The following PTPRK variants were observed in gnomAD, a reference collection of about 807,000 sequenced individuals.
PTPRK encodes protein tyrosine phosphatase receptor type K.
A neutral mutation model predicts 178.0 loss-of-function variants in PTPRK; 75 were observed. That is an observed-to-expected ratio of 0.42 (90% CI 0.35 to 0.51). The LOEUF (loss-of-function observed/expected upper bound fraction) is 0.51, where lower values mean the gene tolerates loss of function less well. Among genes scored for constraint, PTPRK ranks in the 20% least tolerant of loss-of-function variants. The pLI, the probability that PTPRK is intolerant of heterozygous loss-of-function variation, is 0.02. For synonymous variants in PTPRK, 637 were observed against 620.6 expected (o/e 1.03, Z -0.39); for missense variants, 1,441 against 1,797.8 (o/e 0.80, Z 3.59).
intron 11 of PTPRK, among the ~76,000 whole-genome samples, chr6:128,070,978 C>T (rs1279073873): frequency 2.6e-5 from 4 of 151,478 alleles, no homozygotes; most frequent in African/African-American, 4.8e-5. Context: ...CATTTTTCAC[C>T]TGAAAAATCC....
chr6:128,358,699 A>C (rs1834293413), intron 2 of PTPRK, among the ~76,000 whole-genome samples: 1 of 152,206 alleles, frequency 6.6e-6, no homozygotes, highest in Non-Finnish European at 1.5e-5. Flanking sequence ...GTTTCAAAGC[A>C]AATAATTAAC....
intron 2 of PTPRK, among the ~76,000 whole-genome samples, chr6:128,391,413 A>C (rs1377877458): frequency 1.3e-5 from 2 of 152,146 alleles, no homozygotes; most frequent in African/African-American, 4.8e-5. Flanking sequence ...AAGTAAACCA[A>C]CATTTTGGCC....
At chr6:128,041,253 A>C (rs1471892955) in intron 13 of PTPRK, among the ~76,000 whole-genome samples, 1 of 152,092 alleles carries the variant, frequency 6.6e-6, no homozygotes, top group African/African-American at 2.4e-5. Context: ...CCTATGAATC[A>C]CACATAGTGG....
intron 13 of PTPRK, among the ~76,000 whole-genome samples, chr6:128,043,020 A>G (rs1777454297): frequency 6.6e-5 from 10 of 152,066 alleles, no homozygotes; most frequent in Admixed American, 3.3e-4. Context: ...ATTAAAGGCA[A>G]TAAGTAATTT....
At chr6:128,433,889 T>C (rs1359719599) in intron 1 of PTPRK, among the ~76,000 whole-genome samples, 1 of 150,756 alleles carries the variant, frequency 6.6e-6, no homozygotes, top group Admixed American at 6.6e-5. Context: ...AAGAAGATAC[T>C]TGAGCACAGC....
In PTPRK at chr6:128,007,063, A is replaced by G. The variant is rs561422973; in HGVS notation, c.2334-1819T>C. On this transcript the variant is annotated intron_variant, in intron 14 of 29. Transcript: ENST00000368226. Reference sequence around the variant, plus strand: ...CATTATTTTTATTATAAATTTATATATTAAAAGGGAAACATTTTATATTAA... The same window carrying G: ...CATTATTTTTATTATAAATTTATATGTTAAAAGGGAAACATTTTATATTAA... Among the ~76,000 whole-genome samples, 48 of 150,930 alleles carry G rather than the reference A, an allele frequency of 3.2e-4. 2 individuals are homozygous for G. Among genetic ancestry groups the G allele is most frequent in the Middle Eastern group, 3.4e-3 (1 of 292 alleles).
intron 3 of PTPRK, among the ~76,000 whole-genome samples, chr6:128,283,529 T>C (rs181584383): frequency 1.2e-4 from 18 of 152,308 alleles, no homozygotes; most frequent in African/African-American, 4.1e-4. Context: ...TCATTAACAC[T>C]ATAAATTCCT....
intron 25 of PTPRK, among the ~76,000 whole-genome samples, chr6:127,979,107 C>A (rs891420661): frequency 1.3e-5 from 2 of 151,504 alleles, no homozygotes; most frequent in Non-Finnish European, 2.9e-5. Context: ...CCCATCTTTA[C>A]AAAAAATAAT....
At chr6:128,199,528 G>T (rs1283145259) in intron 6 of PTPRK, among the ~76,000 whole-genome samples, 3 of 121,972 alleles carry the variant, frequency 2.5e-5, no homozygotes, top group African/African-American at 6.2e-5. Flanking sequence ...CAAACTATAT[G>T]TTTAATATAC....
intron 1 of PTPRK, among the ~76,000 whole-genome samples, chr6:128,481,307 G>T (rs1006903280): frequency 6.6e-6 from 1 of 152,072 alleles, no homozygotes; most frequent in Non-Finnish European, 1.5e-5. Flanking sequence ...TCATTGCCAA[G>T]ATTTAGAATA....
At chr6:128,363,966 C>T (rs1032113286) in intron 2 of PTPRK, among the ~76,000 whole-genome samples, 1 of 152,040 alleles carries the variant, frequency 6.6e-6, no homozygotes, top group South Asian at 2.1e-4. Context: ...CGATGCTACA[C>T]TTCAAAAGTA....
chr6:128,121,676 T>A (rs1377665654), intron 7 of PTPRK, among the ~76,000 whole-genome samples: 1 of 152,058 alleles, frequency 6.6e-6, no homozygotes, highest in Non-Finnish European at 1.5e-5. Context: ...TCAAAACAGC[T>A]GCTTCCTTCT....
chr6:128,278,430 A>G (rs2092271598), intron 3 of PTPRK, among the ~76,000 whole-genome samples: 1 of 152,168 alleles, frequency 6.6e-6, no homozygotes, highest in Admixed American at 6.5e-5. Context: ...TGCTGGGATT[A>G]CAGGCGTGAG....
chr6:128,370,356 C>T (rs946119180), intron 2 of PTPRK, among the ~76,000 whole-genome samples: 1 of 152,026 alleles, frequency 6.6e-6, no homozygotes. Flanking sequence ...CTCACAGCTA[C>T]AGAATAAACA....
intron 1 of PTPRK, among the ~76,000 whole-genome samples, chr6:128,438,749 G>A (rs1442532260): frequency 6.6e-6 from 1 of 152,154 alleles, no homozygotes; most frequent in African/African-American, 2.4e-5. Context: ...TGAACACACT[G>A]ATGAATACAG....
At chr6:128,089,074 G>A (rs1397933259) in intron 8 of PTPRK, among the ~76,000 whole-genome samples, 1 of 152,152 alleles carries the variant, frequency 6.6e-6, no homozygotes, top group Non-Finnish European at 1.5e-5. Context: ...TGATTCTCCT[G>A]CCTTGACCTC....
intron 6 of PTPRK, among the ~76,000 whole-genome samples, chr6:128,189,005 C>A (rs936493249): frequency 6.6e-6 from 1 of 152,064 alleles, no homozygotes; most frequent in South Asian, 2.1e-4. Context: ...AGGAACATTA[C>A]AGGTTCCAAG....
intron 7 of PTPRK, among the ~76,000 whole-genome samples, chr6:128,113,986 A>C (rs1233659479): frequency 6.6e-6 from 1 of 152,164 alleles, no homozygotes; most frequent in Non-Finnish European, 1.5e-5. Flanking sequence ...GACAACATAT[A>C]ACAAGAAAGC....
intron 1 of PTPRK, among the ~76,000 whole-genome samples, chr6:128,474,519 A>C (rs1584890393): frequency 6.6e-6 from 1 of 152,090 alleles, no homozygotes; most frequent in African/African-American, 2.4e-5. Flanking sequence ...ACATATGGCT[A>C]TATAAGTATC....
Sources: gnomAD v4.1 joint callset for allele counts (sites outside exome capture counted in the v4.1 genomes callset) on GRCh38, gnomAD v4.1.1 for gene constraint, MANE v1.5 for transcripts, NCBI Gene and HGNC (gene_info 2026-07-23, HGNC 2026-07-21) for gene names.